Variants in ZNF398 observed in about 807,000 individuals in gnomAD.
The protein encoded by ZNF398 is zinc finger protein 398.
In ZNF398, 18 loss-of-function variants were observed where a neutral mutation model predicts 41.9. That is an observed-to-expected ratio of 0.43 (90% CI 0.30 to 0.64). ZNF398 has a LOEUF of 0.64. Among genes scored for constraint, ZNF398 ranks in the 30% least tolerant of loss-of-function variants. The probability of loss-of-function intolerance (pLI) is 0.14; values close to 1 mark genes in which losing one functional copy is unlikely to be tolerated. For synonymous variants in ZNF398, 260 were observed against 308.8 expected, an observed-to-expected ratio of 0.84 and a Z score of 1.66; for missense variants, 669 against 822.8, an observed-to-expected ratio of 0.81 and a Z score of 2.29.
At chr7:149,171,757 C>T (rs980158166) in intron 4 of ZNF398, among the ~76,000 whole-genome samples, 4 of 152,090 alleles carry the variant, frequency 2.6e-5, no homozygotes, top group African/African-American at 7.2e-5. Flanking sequence ...ACTGCAACCT[C>T]CGCCTCCCAG....
intron 4 of ZNF398, among the ~76,000 whole-genome samples, chr7:149,170,669 A>G (rs1563164839): frequency 6.6e-6 from 1 of 151,810 alleles, no homozygotes; most frequent in Non-Finnish European, 1.5e-5. Flanking sequence ...CAGGATGCGG[A>G]GGTTGCAGTG....
chr7:149,167,773 G>A (rs1373823692), intron 4 of ZNF398, among the ~76,000 whole-genome samples: 1 of 151,480 alleles, frequency 6.6e-6, no homozygotes, highest in African/African-American at 2.4e-5. Flanking sequence ...ACCACGTCCG[G>A]ATAATTTTTT....
At chr7:149,138,059 C>T (rs550913590) in intron 2 of ZNF398, among the ~76,000 whole-genome samples, 10 of 151,490 alleles carry the variant, frequency 6.6e-5, no homozygotes, top group Admixed American at 4.0e-4. Context: ...AAATTAGTTG[C>T]GCATGGTGGC....
intron 2 of ZNF398, among the ~76,000 whole-genome samples, chr7:149,162,946 A>C (rs1463291752): frequency 6.6e-6 from 1 of 152,014 alleles, no homozygotes; most frequent in African/African-American, 2.4e-5. Context: ...ATTGCACTCC[A>C]GCCTGGGCAA....
intron 2 of ZNF398, among the ~76,000 whole-genome samples, chr7:149,129,116 A>G (rs903608082): frequency 5.3e-5 from 8 of 151,798 alleles, no homozygotes; most frequent in Admixed American, 1.3e-4. Context: ...TTTCATATAA[A>G]TATATAATAT....
chr7:149,161,994 C>G (rs1795113865), intron 2 of ZNF398, among the ~76,000 whole-genome samples: 1 of 152,094 alleles, frequency 6.6e-6, no homozygotes, highest in Non-Finnish European at 1.5e-5. Context: ...TAGAAAAAAA[C>G]TCTAAAATTT....
intron 1 of ZNF398, among the ~76,000 whole-genome samples, chr7:149,127,553 A>AT: frequency 6.8e-6 from 1 of 147,334 alleles, no homozygotes; most frequent in African/African-American, 2.5e-5. Context: ...AAATACAAAA[A>AT]AAAAAAAAAA....
At chr7:149,135,389 CA>C (rs777888671) in intron 2 of ZNF398, among the ~76,000 whole-genome samples, 16,432 of 61,530 alleles carry the variant, frequency 0.27, 424 homozygotes, top group African/African-American at 0.38. Flanking sequence ...GACTCTGTCT[CA>C]AAAAAAAAAA....
chr7:149,173,679 A>G (rs772604646), intron 4 of ZNF398, among the ~76,000 whole-genome samples: 54 of 152,078 alleles, frequency 3.6e-4, no homozygotes, highest in Admixed American at 8.5e-4. Flanking sequence ...GTAGTTCTGA[A>G]CAGTGGGCTT....
chr7:149,142,831 T>A (rs1826856659), upstream of ZNF398, among the ~76,000 whole-genome samples: 1 of 152,100 alleles, frequency 6.6e-6, no homozygotes, highest in South Asian at 2.1e-4. Flanking sequence ...TTGAGAAAAA[T>A]TTGTGGAATG....
rs1331826840 is a variant in ZNF398, at chr7:149,182,709, T to C, written c.*2908T>C. ...ACTATAACCAGATTTACTCTTTGCT[T>C]ACTAGGTTTTCCATTGTCACCATTG... On this transcript the variant is annotated 3_prime_UTR_variant, in exon 6 of 6. Coordinates refer to ENST00000475153, the MANE Select transcript of ZNF398 (RefSeq NM_170686.3). 3.3e-5 allele frequency: 5 copies of C among 152,224 alleles called. No individual in the cohort carries two copies. Among genetic ancestry groups the C allele is most frequent in the Admixed American group, 6.5e-5 (1 of 15,286 alleles). The allele number at this position is 152,224 out of a possible 1,614,324, so 9.4% of individuals were successfully genotyped here.
upstream of ZNF398, among the ~76,000 whole-genome samples, chr7:149,146,371 G>C (rs887007878): frequency 6.6e-5 from 10 of 152,096 alleles, no homozygotes; most frequent in African/African-American, 2.4e-4. Context: ...AAATAAATAA[G>C]TAAATAAATA....
chr7:149,170,257 A>G (rs1340187381), intron 4 of ZNF398, among the ~76,000 whole-genome samples: 3 of 152,200 alleles, frequency 2.0e-5, no homozygotes. Flanking sequence ...CACAGCGTGA[A>G]CTCACACAAA....
intron 2 of ZNF398, among the ~76,000 whole-genome samples, chr7:149,138,699 TAAG>T (rs1485853324): frequency 6.6e-6 from 1 of 151,902 alleles, no homozygotes; most frequent in East Asian, 1.9e-4. Context: ...CTCACAAAGA[TAAG>T]AACCAAAATG....
At chr7:149,159,659 T>C (rs932663117) in intron 2 of ZNF398, among the ~76,000 whole-genome samples, 1 of 151,756 alleles carries the variant, frequency 6.6e-6, no homozygotes, top group African/African-American at 2.4e-5. Context: ...AAAAAAATGC[T>C]CTTTTTCTGC....
chr7:149,150,523 C>T (rs1827084251), intron 1 of ZNF398, among the ~76,000 whole-genome samples: 1 of 152,026 alleles, frequency 6.6e-6, no homozygotes, highest in Non-Finnish European at 1.5e-5. Flanking sequence ...CGCTTGAGCC[C>T]ATGAGATGGA....
intron 2 of ZNF398, among the ~76,000 whole-genome samples, chr7:149,163,247 C>T (rs976764513): frequency 5.3e-5 from 8 of 152,092 alleles, no homozygotes; most frequent in Non-Finnish European, 8.8e-5. Flanking sequence ...TCCTGTCGCC[C>T]AGGCTGGAGT....
At chr7:149,159,886 T>C (rs1203234237) in intron 2 of ZNF398, among the ~76,000 whole-genome samples, 1 of 151,830 alleles carries the variant, frequency 6.6e-6, no homozygotes, top group African/African-American at 2.4e-5. Context: ...CCACCATGCC[T>C]GGCTAATTTT....
chr7:149,143,405 C>G (rs1202436), upstream of ZNF398, among the ~76,000 whole-genome samples: 131,166 of 152,286 alleles, frequency 0.86, 56,655 homozygotes, highest in Middle Eastern at 0.96. Flanking sequence ...TTTTTTACAT[C>G]ATACATGCTG....
Sources: allele counts gnomAD v4.1 joint callset (sites outside exome capture counted in the v4.1 genomes callset), GRCh38; gene constraint gnomAD v4.1.1; transcripts MANE v1.5; gene names NCBI Gene and HGNC (gene_info 2026-07-23, HGNC 2026-07-21).